The following SYCE1 variants were observed in gnomAD, a reference collection of about 807,000 sequenced individuals.
The protein encoded by SYCE1 is synaptonemal complex central element protein 1.
A neutral mutation model predicts 55.1 loss-of-function variants in SYCE1; 37 were observed. The observed-to-expected ratio is 0.67, with a 90% CI of 0.52 to 0.88. SYCE1 has a LOEUF of 0.88. SYCE1 is among the 40% of genes least tolerant of loss of function. SYCE1 has a pLI of 0.00. For missense variants in SYCE1, 399 were observed against 416.4 expected, an observed-to-expected ratio of 0.96 and a Z score of 0.36; for synonymous variants, 163 against 159.4, an observed-to-expected ratio of 1.02 and a Z score of -0.17.
chr10:133,558,708 T>C, intron 4 of SYCE1, 169 bp downstream of exon 4: 1 of 681,600 alleles, frequency 1.5e-6, no homozygotes, highest in Non-Finnish European at 2.5e-6. Flanking sequence ...TGGAGGGTGT[T>C]TCCTGAACAC....
At chr10:133,565,688 A>T, upstream of SYCE1, 2 of 691,270 alleles carry the variant, frequency 2.9e-6, no homozygotes, top group Non-Finnish European at 4.6e-6. Flanking sequence ...CCTGCGTGGC[A>T]CTAGTGCGCA....
chr10:133,559,400 G>C (rs1851767140), intron 2 of SYCE1, 40 bp from the exon 3 acceptor site: 1 of 1,602,338 alleles, frequency 6.2e-7, no homozygotes. Flanking sequence ...AGGGCAGGCA[G>C]AGTTGGGGCG....
intron 2 of SYCE1, chr10:133,559,789 GGGGAAGGAA>G (rs1851779608): frequency 2.2e-6 from 1 of 449,352 alleles, no homozygotes; most frequent in Admixed American, 3.6e-5. Flanking sequence ...AGCGGGTGAG[GGGGAAGGAA>G]GGGAAGTGAA....
chr10:133,565,515 G>C lies in SYCE1; in HGVS notation c.15C>G (p.Ser5=). 1 of 1,549,854 alleles carries C rather than the reference G, an allele frequency of 6.5e-7. No homozygotes were observed. Among genetic ancestry groups the C allele is most frequent in the South Asian group, 1.2e-5 (1 of 83,914 alleles). The change falls in exon 1 of 13, where the codon TCC becomes TCG. Residue 5 remains serine, a synonymous_variant. Transcript: ENST00000343131. ...CGGTGGGCTCGGCCTTCGATGTCAGGGACCTCCCCGCCATTTCCTCTCAGC... is the reference window on the plus strand; with the variant it reads ...CGGTGGGCTCGGCCTTCGATGTCAGCGACCTCCCCGCCATTTCCTCTCAGC... MAGR[S]LTSKAEPTAG... is the part of the protein sequence containing the mutation.
chr10:133,562,260 AAT>A (rs1491165432), intron 1 of SYCE1, among the ~76,000 whole-genome samples: 14 of 121,986 alleles, frequency 1.1e-4, no homozygotes, highest in African/African-American at 4.4e-4. Context: ...GCTAACATCC[AAT>A]GTGTGTGTGT....
intron 8 of SYCE1, chr10:133,556,419 ACACT>A (rs1325089399): frequency 3.8e-5 from 20 of 519,586 alleles, no homozygotes; most frequent in African/African-American, 5.7e-5. Flanking sequence ...TTCCTTCCTG[ACACT>A]CACTGTCTAT....
chr10:133,556,711 C>A, intron 8 of SYCE1, 48 bp downstream of exon 8: 2 of 1,541,082 alleles, frequency 1.3e-6, no homozygotes, highest in Non-Finnish European at 1.8e-6. Context: ...GGGCCTGGTG[C>A]TGCTAGGGAA....
chr10:133,554,433 G>A, downstream of SYCE1: 2 of 1,036,888 alleles, frequency 1.9e-6, no homozygotes, highest in Non-Finnish European at 3.0e-6. Context: ...ACGCATTTCA[G>A]TGAATTTGAA....
downstream of SYCE1, chr10:133,554,415 T>C (rs1027541440): frequency 2.5e-6 from 3 of 1,220,494 alleles, no homozygotes; most frequent in African/African-American, 3.0e-5. Context: ...TTGGTCTTGA[T>C]TGGGTCAACG....
Position 133,565,506 on chromosome 10 carries a change from C to T in SYCE1, c.24G>A (p.Ser8=). MAGRSLT[S]KAEPTAGAVD... ...CGGCTCCTGCGGTGGGCTCGGCCTT[C>T]GATGTCAGGGACCTCCCCGCCATTT... The change falls in exon 1 of 13, where the codon TCG becomes TCA. Residue 8 remains serine, a synonymous_variant. Transcript: ENST00000343131. The T allele has an allele frequency of 1.3e-6, 2 of 1,550,042 alleles. No homozygotes were observed. Among genetic ancestry groups the T allele is most frequent in the South Asian group, 1.2e-5 (1 of 83,908 alleles).
chr10:133,557,150 G>A lies in SYCE1; in HGVS notation c.381C>T (p.His127=), dbSNP rs780074342. 19 of 1,613,884 alleles carry A rather than the reference G, an allele frequency of 1.2e-5. No individual in the cohort carries two copies. In the Admixed American group the frequency reaches 2.8e-4, roughly 24 times the overall value. Residue 127 remains histidine, a synonymous_variant, in exon 7 of 13, where the codon CAC becomes CAT. Coordinates refer to ENST00000343131, the MANE Select transcript of SYCE1 (RefSeq NM_001143764.3). ...QEKESEAHRK[H]TMLQECKERI... ...TCTCCTTGCACTCCTGCAACATGGT[G>A]TGCTTCCTGGGAGAGGCGAGGCAGC... is the stretch of plus-strand genomic sequence containing the variant.
intron 8 of SYCE1, 136 bp from the exon 9 acceptor site, chr10:133,556,183 A>C: frequency 1.0e-6 from 1 of 965,360 alleles, no homozygotes; most frequent in South Asian, 1.6e-5. Flanking sequence ...CACACCAGCT[A>C]CAGTACAGCC....
rs1589964494 is a variant in SYCE1 at position 133,555,647 on chromosome 10, G to A, written c.780C>T (p.Arg260=). ...AEELLAAAAQ[R]HQQLQQKCQQ... ...GGCACTTCTGCTGCAGCTGCTGGTG[G>A]CGCTGGGCAGCAGCTGCTAGGAGCT... Residue 260 remains arginine, a synonymous_variant, in exon 11 of 13, where the codon CGC becomes CGT. Transcript: ENST00000343131. 6.2e-7 allele frequency: 1 copy of A among 1,605,118 alleles called. No individual in the cohort carries two copies. Among genetic ancestry groups the A allele is most frequent in the Non-Finnish European group, 8.5e-7 (1 of 1,179,940 alleles).
At chr10:133,556,931 C>A in intron 7 of SYCE1, 109 bp from the exon 8 acceptor site, 1 of 1,495,452 alleles carries the variant, frequency 6.7e-7, no homozygotes, top group South Asian at 1.1e-5. Context: ...TGCCCATGGT[C>A]TCTGCTCCAC....
chr10:133,558,626 G>T, intron 4 of SYCE1: 2 of 547,484 alleles, frequency 3.7e-6, no homozygotes, highest in Non-Finnish European at 6.5e-6. Context: ...GATGATGTGA[G>T]GAAAGAGGAA....
rs199551948 is a variant in SYCE1 at position 133,556,030 on chromosome 10, T to C, written c.546A>G (p.Ala182=). The C allele has an allele frequency of 6.2e-7, 1 of 1,613,972 alleles. No homozygotes were observed. Among genetic ancestry groups the C allele is most frequent in the Non-Finnish European group, 8.5e-7 (1 of 1,180,008 alleles). Residue 182 remains alanine (A), a synonymous_variant, in exon 9 of 13, where the codon GCA becomes GCG. Transcript: ENST00000343131. ...LWDFHMPERL[A]KEICALDSSK... The stretch of plus-strand genomic sequence containing the variant: ...TGCTGTCCAGGGCACAAATCTCCTT[T>C]GCCAGCCGCTCTGGCATCTGAGGGG...
At chr10:133,554,327 G>A, downstream of SYCE1, 2 of 1,614,038 alleles carry the variant, frequency 1.2e-6, no homozygotes, top group Non-Finnish European at 1.7e-6. Flanking sequence ...TGGTCTGGGA[G>A]CCTGTCAAGA....
intron 8 of SYCE1, 85 bp from the exon 9 acceptor site, chr10:133,556,132 T>C: frequency 1.3e-6 from 2 of 1,501,694 alleles, no homozygotes; most frequent in Non-Finnish European, 9.1e-7. Flanking sequence ...GTTTCATACT[T>C]ACTCACTATG....
At chr10:133,554,813 T>C, downstream of SYCE1, 1 of 1,461,014 alleles carries the variant, frequency 6.8e-7, no homozygotes, top group Non-Finnish European at 9.0e-7. Context: ...CAGAAGAAGC[T>C]GGCAGGTACC....
Sources: allele counts gnomAD v4.1 joint callset (sites outside exome capture counted in the v4.1 genomes callset), GRCh38; gene constraint gnomAD v4.1.1; transcripts MANE v1.5; gene names NCBI Gene and HGNC (gene_info 2026-07-23, HGNC 2026-07-21).